The following ZC3H3 variants were observed in gnomAD, a reference collection of about 807,000 sequenced individuals.
ZC3H3 encodes the protein zinc finger CCCH-type containing 3, also known as zinc finger CCCH domain-containing protein 3.
Under a neutral mutation model 77.3 loss-of-function variants are expected in ZC3H3, and 36 were observed. The observed-to-expected ratio is 0.47, with a 90% CI of 0.36 to 0.61. The LOEUF (loss-of-function observed/expected upper bound fraction) is 0.61. ZC3H3 is among the 20% of genes least tolerant of loss of function. ZC3H3 has a pLI of 0.00. For missense variants in ZC3H3, 1,331 were observed against 1,312.2 expected (o/e 1.01, Z -0.22); for synonymous variants, 626 against 555.2 (o/e 1.13, Z -1.79).
At position 143,440,206 on chromosome 8, in the gene ZC3H3, C is replaced by T. The variant is rs766529148; in HGVS notation, c.2650G>A (p.Ala884Thr). 31 of 1,609,946 alleles carry T rather than the reference C, an allele frequency of 1.9e-5. No homozygotes were observed. The highest frequency in any genetic ancestry group is 3.4e-4 in the Middle Eastern group (2 of 5,826). ...GATGGTGCCTCGTGGTCCAAGGAAG[C>T]GGGAGGGGATGAGGAGGAGGAGGAG... ...SSSSSSSSPP[A>T]SLDHEAPSLQ... Residue 884 changes from alanine (A) to threonine (T), a missense_variant, in exon 11 of 12, where the codon GCT becomes ACT. Physicochemically the swap from Ala to Thr is moderately conservative, Grantham distance 58 (BLOSUM62 0). Transcript: ENST00000262577.
chr8:143,449,098 A>G (rs774282847), intron 9 of ZC3H3, among the ~76,000 whole-genome samples: 5 of 152,254 alleles, frequency 3.3e-5, no homozygotes, highest in Non-Finnish European at 5.9e-5. Context: ...GGCCAGGTCC[A>G]GGACACCATT....
chr8:143,458,156 C>T (rs1010258061), intron 9 of ZC3H3, among the ~76,000 whole-genome samples: 4 of 152,182 alleles, frequency 2.6e-5, no homozygotes, highest in Non-Finnish European at 4.4e-5. Flanking sequence ...AGTATCACTG[C>T]AGATTCTGCA....
chr8:143,500,749 G>A (rs1821500297), intron 4 of ZC3H3, among the ~76,000 whole-genome samples: 1 of 151,890 alleles, frequency 6.6e-6, no homozygotes, highest in African/African-American at 2.4e-5. Flanking sequence ...CCATCCACAG[G>A]GGTGGAAGCC....
intron 4 of ZC3H3, among the ~76,000 whole-genome samples, chr8:143,499,045 C>T (rs1821446289): frequency 6.6e-6 from 1 of 152,054 alleles, no homozygotes. Flanking sequence ...CAAGAAGGGG[C>T]GGAGAGCTGC....
chr8:143,485,100 C>T (rs569807777), intron 4 of ZC3H3, among the ~76,000 whole-genome samples: 30 of 152,348 alleles, frequency 2.0e-4, no homozygotes, highest in Admixed American at 3.9e-4. Flanking sequence ...GCCAGAAACA[C>T]TCTCAAATAA....
chr8:143,476,202 C>T (rs986370437), intron 4 of ZC3H3, among the ~76,000 whole-genome samples: 5 of 152,214 alleles, frequency 3.3e-5, no homozygotes, highest in Admixed American at 2.6e-4. Flanking sequence ...TCTCCTCCTC[C>T]ACCCTGTCCT....
At chr8:143,520,191 C>A (rs1477454455) in intron 3 of ZC3H3, among the ~76,000 whole-genome samples, 2 of 152,226 alleles carry the variant, frequency 1.3e-5, no homozygotes, top group South Asian at 2.1e-4. Context: ...TAGGGGCCAC[C>A]ATGAGAAAGA....
intron 5 of ZC3H3, among the ~76,000 whole-genome samples, chr8:143,474,097 C>T (rs1198581167): frequency 6.6e-6 from 1 of 152,214 alleles, no homozygotes. Context: ...TCTGAGCCAG[C>T]TCCTGCACTG....
chr8:143,474,329 G>GAGGCACACACAGGGGTGACACAGTGCC (rs1420047908), intron 5 of ZC3H3, among the ~76,000 whole-genome samples: 1 of 152,170 alleles, frequency 6.6e-6, no homozygotes, highest in Non-Finnish European at 1.5e-5. Context: ...CAGCGAGTGG[G>GAGGCACACACAGGGGTGACACAGTGCC]GATTTATTCC....
chr8:143,537,987 C>T lies in ZC3H3; in HGVS notation c.1364+16G>A, dbSNP rs375998274. On this transcript the variant is annotated intron_variant, in intron 2 of 11. Coordinates refer to ENST00000262577, the MANE Select transcript of ZC3H3 (RefSeq NM_015117.3). ...ACAGCCCCTCACACTCTACCGCAGC[C>T]GGCCGGGATGCCCACCTTGTGCTGC... The T allele has an allele frequency of 1.2e-5, 19 of 1,582,392 alleles. No homozygotes were observed. Among genetic ancestry groups the T allele is most frequent in the African/African-American group, 1.1e-4 (8 of 74,384 alleles).
Position 143,440,098 on chromosome 8 carries a change from T to C in ZC3H3, c.2758A>G (p.Ser920Gly). 1 of 1,606,258 alleles carries C rather than the reference T, an allele frequency of 6.2e-7. No individual in the cohort carries two copies. The highest frequency in any genetic ancestry group is 8.5e-7 in the Non-Finnish European group (1 of 1,177,630). ...PSFISLQSSP[S>G]PGAQPRVRAP... ...CGGACCCTGGGCTGGGCTCCTGGGC[T>C]CGGCGAGGACTGCAGGGAGATGAAG... is the stretch of plus-strand genomic sequence containing the variant. The change falls in exon 11 of 12, where the codon AGC (serine) becomes GGC (glycine). Residue 920 changes from serine (S) to glycine (G), a missense_variant. Around this residue, in one of 3 missense-constraint regions of ZC3H3, gnomAD observed 249 missense variants for 236.9 expected, o/e 1.05. Coordinates refer to ENST00000262577, the MANE Select transcript of ZC3H3 (RefSeq NM_015117.3).
rs1822929359 is a variant in ZC3H3 at position 143,539,244 on chromosome 8, TGGCTGCC to T, written c.116_122del (p.Trp39TyrfsTer37). The T allele has an allele frequency of 6.2e-7, 1 of 1,612,782 alleles. No homozygotes were observed. On this transcript the variant is annotated frameshift_variant, in exon 2 of 12. Transcript: ENST00000262577. LOFTEE classifies it high-confidence loss of function. ...AGGCTCTGCCACTGTGGTAAGTGGG[TGGCTGCC>T]ACCCAGAAGCTGCTGGGGTACCAGG...
At position 143,468,483 on chromosome 8, in the gene ZC3H3, C is replaced by CT; in HGVS notation, c.2003dup (p.Arg669GlufsTer77). The CT allele has an allele frequency of 6.2e-7, 1 of 1,608,688 alleles. No homozygotes were observed. Among genetic ancestry groups the CT allele is most frequent in the East Asian group, 2.2e-5 (1 of 44,556 alleles). ...TGTAGTACATGCAGTACTCCTTCCT[C>CT]TTCTCCCTGCGCTGCCGCGCCTGCC... is the stretch of plus-strand genomic sequence containing the variant. On this transcript the variant is annotated frameshift_variant, in exon 7 of 12. Coordinates refer to ENST00000262577, the MANE Select transcript of ZC3H3 (RefSeq NM_015117.3). LOFTEE classifies it high-confidence loss of function.
chr8:143,478,602 C>G (rs1004043669), intron 4 of ZC3H3, among the ~76,000 whole-genome samples: 1 of 152,206 alleles, frequency 6.6e-6, no homozygotes, highest in Non-Finnish European at 1.5e-5. Flanking sequence ...CTCCGCCTCC[C>G]GGGTTCAAGA....
In ZC3H3 at chr8:143,488,443, G is replaced by C. The variant is rs982844574; in HGVS notation, c.1716-12858C>G. Among the ~76,000 whole-genome samples the C allele has an allele frequency of 2.9e-5, 4 of 136,160 alleles. 1 individual carries two copies. Among genetic ancestry groups the C allele is most frequent in the African/African-American group, 1.2e-4 (4 of 32,934 alleles). 89.3% of individuals were successfully genotyped at this position (136,160 alleles called of 152,430 possible). A position where few individuals can be genotyped will look rare whatever the true frequency, so the allele number is the denominator to read the frequency against. On this transcript the variant is annotated intron_variant, in intron 4 of 11. Transcript: ENST00000262577. ...CACCACGAAGCTCACACACAGAACA[G>C]CACCCGCTCCACGACCCCATCACCA...
intron 9 of ZC3H3, among the ~76,000 whole-genome samples, chr8:143,458,196 C>A (rs1028574550): frequency 1.5e-4 from 23 of 152,212 alleles, no homozygotes; most frequent in Admixed American, 1.2e-3. Flanking sequence ...TTAAATACTT[C>A]AAACAATTAT....
rs757072865 is a variant in ZC3H3, at chr8:143,440,267, C to T, written c.2589G>A (p.Gly863=). 7 of 1,583,120 alleles carry T rather than the reference C, an allele frequency of 4.4e-6. No individual in the cohort carries two copies. The highest frequency in any genetic ancestry group is 3.4e-5 in the South Asian group (3 of 87,848). ...AVAAPPHCPG[G]SASPSSSKAS... ...CCTTCGAGGATGAGGGAGAGGCTGA[C>T]CCCCCTGGGCAGTGGGGAGGTGCAG... Residue 863 remains glycine (G), a synonymous_variant, in exon 11 of 12, where the codon GGG becomes GGA. Transcript: ENST00000262577.
rs752631772 is a variant in ZC3H3 at position 143,440,994 on chromosome 8, C to G, written c.2434G>C (p.Ala812Pro). Residue 812 changes from alanine (A) to proline (P), a missense_variant, in exon 10 of 12, where the codon GCC becomes CCC. Physicochemically the swap from Ala to Pro is conservative, Grantham distance 27. Around this residue, in one of 3 missense-constraint regions of ZC3H3, gnomAD observed 249 missense variants for 236.9 expected, o/e 1.05. Coordinates refer to ENST00000262577, the MANE Select transcript of ZC3H3 (RefSeq NM_015117.3). ...RHSRRAATSP[A>P]PGPSDATARS... The stretch of plus-strand genomic sequence containing the variant: ...GCGGTTGCGTCGCTGGGCCCTGGGG[C>G]GGGGGACGTGGCTGCCCGCCGACTG... 1 of 1,469,196 alleles carries G rather than the reference C, an allele frequency of 6.8e-7. No individual in the cohort carries two copies. The highest frequency in any genetic ancestry group is 2.7e-5 in the East Asian group (1 of 36,876). The allele number at this position is 1,469,196 out of a possible 1,614,324, so 91.0% of individuals were successfully genotyped here.
At chr8:143,500,011 C>T (rs141889935) in intron 4 of ZC3H3, among the ~76,000 whole-genome samples, 3 of 152,136 alleles carry the variant, frequency 2.0e-5, no homozygotes, top group Non-Finnish European at 4.4e-5. Flanking sequence ...GCAAATCCCA[C>T]CTTCGACACC....
Sources: allele counts gnomAD v4.1 joint callset (sites outside exome capture counted in the v4.1 genomes callset), GRCh38; gene constraint gnomAD v4.1.1; regional missense constraint gnomAD v4.1.1; transcripts MANE v1.5; gene names NCBI Gene and HGNC (gene_info 2026-07-23, HGNC 2026-07-21).